Variants in ATP6V1D observed in about 807,000 individuals in gnomAD.
ATP6V1D encodes the protein ATPase H+ transporting V1 subunit D.
Under a neutral mutation model 39.4 loss-of-function variants are expected in ATP6V1D, and 20 were observed. That is an observed-to-expected ratio of 0.51 (90% CI 0.36 to 0.74). ATP6V1D has a LOEUF of 0.74. ATP6V1D is among the 30% of genes least tolerant of loss of function. ATP6V1D has a pLI of 0.00. For synonymous variants in ATP6V1D, 100 were observed against 100.5 expected, an observed-to-expected ratio of 0.99 and a Z score of 0.03; for missense variants, 228 against 291.6, an observed-to-expected ratio of 0.78 and a Z score of 1.59.
chr14:67,353,927 T>A (rs937896562), intron 1 of ATP6V1D: 1 of 151,662 alleles, frequency 6.6e-6, no homozygotes, highest in Non-Finnish European at 1.5e-5. Context: ...GTGCTGGGAT[T>A]ATGGGCATGA....
rs1272088133 is a variant in ATP6V1D at position 67,338,050 on chromosome 14, A to C, written c.*571T>G. The C allele has an allele frequency of 2.6e-5, 4 of 152,298 alleles. No homozygotes were observed. The highest frequency in any genetic ancestry group is 5.9e-5 in the Non-Finnish European group (4 of 68,096). The allele number at this position is 152,298 out of a possible 1,614,324, so 9.4% of individuals were successfully genotyped here. On this transcript the variant is annotated 3_prime_UTR_variant, in exon 9 of 9. Transcript: ENST00000216442. ...AGCATGAGAACATGACTTAACAGTA[A>C]ATTAATAAAAACGGAATGACTTACT...
intron 1 of ATP6V1D, among the ~76,000 whole-genome samples, chr14:67,355,011 C>T (rs138916694): frequency 2.5e-4 from 38 of 152,000 alleles, no homozygotes; most frequent in African/African-American, 9.2e-4. Context: ...CAGGTTTCTC[C>T]ATGTTGGTCA....
chr14:67,342,663 AATATAGTTAAT>A (rs2085593887), intron 7 of ATP6V1D, among the ~76,000 whole-genome samples: 1 of 150,562 alleles, frequency 6.6e-6, no homozygotes, highest in African/African-American at 2.4e-5. Context: ...CACTAACATT[AATATAGTTAAT>A]ATATAGTTAA....
chr14:67,347,535 C>G (rs1216470540), intron 4 of ATP6V1D, 82 bp from the exon 5 acceptor site: 8 of 1,234,728 alleles, frequency 6.5e-6, no homozygotes, highest in Non-Finnish European at 9.1e-6. Flanking sequence ...GAGTTTTGCT[C>G]TTGTCGCCGA....
intron 7 of ATP6V1D, among the ~76,000 whole-genome samples, chr14:67,341,131 G>A (rs1474906124): frequency 3.9e-5 from 6 of 152,012 alleles, no homozygotes; most frequent in African/African-American, 7.2e-5. Flanking sequence ...CTGCCTGGCC[G>A]CCCATCGTCT....
At chr14:67,345,970 A>G (rs1356218217) in intron 5 of ATP6V1D, 99 bp from the exon 6 acceptor site, 9 of 753,066 alleles carry the variant, frequency 1.2e-5, no homozygotes, top group Non-Finnish European at 2.0e-5. Context: ...CAAATATGGA[A>G]AGATGAATTC....
intron 3 of ATP6V1D, among the ~76,000 whole-genome samples, chr14:67,349,661 T>A (rs1396988167): frequency 6.6e-6 from 1 of 151,956 alleles, no homozygotes; most frequent in Non-Finnish European, 1.5e-5. Context: ...GTGGTGAAAC[T>A]CAAAAATACA....
Position 67,338,688 on chromosome 14 carries a change from G to A in ATP6V1D, c.677C>T (p.Ala226Val). 1 of 1,613,930 alleles carries A rather than the reference G, an allele frequency of 6.2e-7. No homozygotes were observed. The highest frequency in any genetic ancestry group is 8.5e-7 in the Non-Finnish European group (1 of 1,179,856). The change falls in exon 9 of 9, where the codon GCT becomes GTT. Residue 226 changes from alanine (A) to valine (V), a missense_variant. Physicochemically the swap from Ala to Val is moderately conservative, Grantham distance 64. Coordinates refer to ENST00000216442, the MANE Select transcript of ATP6V1D (RefSeq NM_015994.4). ...ATTAGCAGGCTCCAACACCTCTCCA[G>A]CTGCTCTCCTTTGCTCCAAGTCCTT... ...SEKDLEQRRA[A>V]GEVLEPANLL... is the part of the protein sequence containing the mutation.
chr14:67,340,705 G>C (rs1027854562), intron 7 of ATP6V1D, among the ~76,000 whole-genome samples, 187 bp from the exon 8 acceptor site: 3 of 151,896 alleles, frequency 2.0e-5, no homozygotes, highest in African/African-American at 7.3e-5. Flanking sequence ...CTCTCCCCAC[G>C]GTCTCCCTCT....
Position 67,347,500 on chromosome 14 carries a change from C to CTTTTTT in ATP6V1D, c.308-48_308-47insAAAAAA, listed in dbSNP as rs142554896. ...ATGGATTCATAAACCTTTAAGTTCT[C>CTTTTTT]TCTTTTTTTTTTTTTTCTGAGACGG... On this transcript the variant is annotated intron_variant, in intron 4 of 8. Coordinates refer to ENST00000216442, the MANE Select transcript of ATP6V1D (RefSeq NM_015994.4). The CTTTTTT allele has an allele frequency of 6.1e-6, 8 of 1,301,044 alleles. No individual in the cohort carries two copies. The Admixed American group carries it at 8.2e-5, about 13-fold the overall frequency. The allele number at this position is 1,301,044 out of a possible 1,614,324, so 80.6% of individuals were successfully genotyped here.
rs754532623 is a variant in ATP6V1D at position 67,349,075 on chromosome 14, G to A, written c.269C>T (p.Ala90Val). ...STTVIQNVNK[A>V]QVKIRAKKDN... Reference sequence around the variant, plus strand: ...TTTCTTCGCTCGAATCTTCACTTGCGCTTTATTGACATTTTGGATAACTGT... The same window carrying A: ...TTTCTTCGCTCGAATCTTCACTTGCACTTTATTGACATTTTGGATAACTGT... Residue 90 changes from alanine to valine, a missense_variant, in exon 4 of 9, where the codon GCG (alanine) becomes GTG (valine). Coordinates refer to ENST00000216442, the MANE Select transcript of ATP6V1D (RefSeq NM_015994.4). The A allele has an allele frequency of 6.2e-7, 1 of 1,613,980 alleles. No individual in the cohort carries two copies. The highest frequency in any genetic ancestry group is 8.5e-7 in the Non-Finnish European group (1 of 1,179,922).
chr14:67,356,116 G>A (rs1021302861), intron 1 of ATP6V1D, among the ~76,000 whole-genome samples: 9 of 151,900 alleles, frequency 5.9e-5, no homozygotes, highest in Non-Finnish European at 1.2e-4. Context: ...TTTTAAAATC[G>A]CATGTACTAA....
At position 67,338,529 on chromosome 14, in the gene ATP6V1D, A is replaced by G; in HGVS notation, c.*92T>C. Reference sequence around the variant, plus strand: ...TTACAACCAGTGAAATTCTTAGGCCAAAAAATAAATAGCCACACAAATCAA... The same window carrying G: ...TTACAACCAGTGAAATTCTTAGGCCGAAAAATAAATAGCCACACAAATCAA... On this transcript the variant is annotated 3_prime_UTR_variant, in exon 9 of 9. Transcript: ENST00000216442. 3 of 1,355,348 alleles carry G rather than the reference A, an allele frequency of 2.2e-6. No homozygotes were observed. Among genetic ancestry groups the G allele is most frequent in the Non-Finnish European group, 2.9e-6 (3 of 1,021,310 alleles). 84.0% of individuals were successfully genotyped at this position (1,355,348 alleles called of 1,614,324 possible).
At chr14:67,345,916 C>T (rs1427555101) in intron 5 of ATP6V1D, 45 bp from the exon 6 acceptor site, 1 of 1,244,024 alleles carries the variant, frequency 8.0e-7, no homozygotes. Context: ...AGTAAAATAT[C>T]TTCCCTATAA....
Position 67,350,698 on chromosome 14 carries a change from A to T in ATP6V1D, c.160-8T>A, listed in dbSNP as rs1294840841. On this transcript the variant is annotated splice_polypyrimidine_tract_variant and splice_region_variant and intron_variant, in intron 2 of 8. Transcript: ENST00000216442. ...GCCCATCAACATTTTAGTCTGGAAAAGCATAAACCAACAGCAGATTCAACC... is the reference window on the plus strand; with the variant it reads ...GCCCATCAACATTTTAGTCTGGAAATGCATAAACCAACAGCAGATTCAACC... 1 of 1,612,392 alleles carries T rather than the reference A, an allele frequency of 6.2e-7. No individual in the cohort carries two copies. The highest frequency in any genetic ancestry group is 8.5e-7 in the Non-Finnish European group (1 of 1,179,130).
chr14:67,342,209 TAAA>T (rs1566596960), intron 7 of ATP6V1D, among the ~76,000 whole-genome samples: 49 of 98,140 alleles, frequency 5.0e-4, no homozygotes, highest in African/African-American at 2.2e-3. Context: ...AATAAATAAA[TAAA>T]TAAAATAAAA....
chr14:67,354,308 G>C (rs1447755404), intron 1 of ATP6V1D, among the ~76,000 whole-genome samples: 1 of 152,118 alleles, frequency 6.6e-6, no homozygotes, highest in Admixed American at 6.5e-5. Flanking sequence ...TGCCAACATA[G>C]TTTAAATACT....
intron 1 of ATP6V1D, among the ~76,000 whole-genome samples, chr14:67,353,421 G>A (rs1366996792): frequency 6.6e-6 from 1 of 152,160 alleles, no homozygotes; most frequent in Non-Finnish European, 1.5e-5. Flanking sequence ...GTAAGTGGGA[G>A]GATCCCTTGA....
chr14:67,354,960 T>C (rs2085676071), intron 1 of ATP6V1D, among the ~76,000 whole-genome samples: 1 of 152,074 alleles, frequency 6.6e-6, no homozygotes, highest in Admixed American at 6.6e-5. Flanking sequence ...ATTACAGGCA[T>C]GCGTCACCAT....
Sources: gnomAD v4.1 joint callset for allele counts (sites outside exome capture counted in the v4.1 genomes callset) on GRCh38, gnomAD v4.1.1 for gene constraint, MANE v1.5 for transcripts, NCBI Gene and HGNC (gene_info 2026-07-23, HGNC 2026-07-21) for gene names.